Variants in ADK observed in about 807,000 individuals in gnomAD.
The protein encoded by ADK is N6,N6-dimethyladenosine kinase.
In ADK, 24 loss-of-function variants were observed where a neutral mutation model predicts 44.7. The ratio of observed to expected loss-of-function variants is 0.54; its 90% CI spans 0.39 to 0.76. ADK has a LOEUF of 0.76. Ranked by LOEUF, ADK falls within the 30% of genes least tolerant of loss-of-function variation. The pLI is 0.00. For missense variants in ADK, 321 were observed against 425.1 expected, an observed-to-expected ratio of 0.76 and a Z score of 2.15; for synonymous variants, 128 against 142.6, an observed-to-expected ratio of 0.90 and a Z score of 0.73.
At chr10:74,155,455 CTTAA>C (rs1432117562) in intron 1 of ADK, among the ~76,000 whole-genome samples, 1 of 152,046 alleles carries the variant, frequency 6.6e-6, no homozygotes, top group Non-Finnish European at 1.5e-5. Context: ...CAAGCCTGGC[CTTAA>C]TTAATGTTTG....
chr10:74,627,779 T>C (rs1426653735), intron 9 of ADK, among the ~76,000 whole-genome samples: 1 of 152,080 alleles, frequency 6.6e-6, no homozygotes, highest in Non-Finnish European at 1.5e-5. Context: ...ATTACAGGTA[T>C]ACATCACCTC....
chr10:74,555,126 G>A lies in ADK; in HGVS notation c.726+29700G>A, dbSNP rs141333540. On this transcript the variant is annotated intron_variant, in intron 7 of 10. Transcript: ENST00000539909. ...AGCCTGGGCAACATAGGGAGACCCC[G>A]TCTCTACAAAAAAAAGAAAATTAGC... 5.2e-3 allele frequency among the ~76,000 whole-genome samples: 797 copies of A among 151,940 alleles called. 7 individuals are homozygous for A. The highest frequency in any genetic ancestry group is 0.018 in the African/African-American group (760 of 41,310).
chr10:74,511,461 G>A (rs1487620296), intron 6 of ADK, among the ~76,000 whole-genome samples: 4 of 152,074 alleles, frequency 2.6e-5, no homozygotes, highest in African/African-American at 9.7e-5. Context: ...TTATTTGTAT[G>A]CACTTCAATT....
intron 4 of ADK, among the ~76,000 whole-genome samples, chr10:74,362,398 G>T (rs774561136): frequency 2.7e-5 from 4 of 149,462 alleles, no homozygotes; most frequent in African/African-American, 4.9e-5. Flanking sequence ...AGGATTTCTG[G>T]TTTTTTAAAA....
At chr10:74,625,485 T>C (rs1853158747) in intron 9 of ADK, among the ~76,000 whole-genome samples, 1 of 152,184 alleles carries the variant, frequency 6.6e-6, no homozygotes, top group East Asian at 1.9e-4. Context: ...TCCTTTGGAC[T>C]GAGAAACATT....
chr10:74,473,057 A>C (rs565243906), intron 6 of ADK, among the ~76,000 whole-genome samples: 1 of 152,102 alleles, frequency 6.6e-6, no homozygotes, highest in African/African-American at 2.4e-5. Flanking sequence ...TGATGTGATC[A>C]TGGCTCACCG....
intron 10 of ADK, among the ~76,000 whole-genome samples, chr10:74,679,648 G>C (rs1373612158): frequency 2.0e-5 from 3 of 151,724 alleles, no homozygotes; most frequent in African/African-American, 4.8e-5. Context: ...CTAATATCTG[G>C]CCCACTTCTT....
chr10:74,156,792 G>A (rs755340478), intron 1 of ADK, among the ~76,000 whole-genome samples: 48 of 152,104 alleles, frequency 3.2e-4, no homozygotes, highest in Non-Finnish European at 6.3e-4. Flanking sequence ...TTTCTCACCT[G>A]TAAAATGGGT....
At chr10:74,185,375 T>C (rs1380392681) in intron 1 of ADK, among the ~76,000 whole-genome samples, 3 of 151,838 alleles carry the variant, frequency 2.0e-5, no homozygotes, top group Non-Finnish European at 4.4e-5. Context: ...GCAGAAAAAA[T>C]AGATGATGCT....
intron 3 of ADK, among the ~76,000 whole-genome samples, chr10:74,307,835 T>C (rs1840308520): frequency 6.6e-6 from 1 of 152,060 alleles, no homozygotes; most frequent in African/African-American, 2.4e-5. Flanking sequence ...GTGGAGTGTA[T>C]AATTTGTGTT....
At chr10:74,447,547 A>G (rs569066623) in intron 6 of ADK, among the ~76,000 whole-genome samples, 2 of 152,310 alleles carry the variant, frequency 1.3e-5, no homozygotes, top group East Asian at 3.9e-4. Flanking sequence ...AATAATCCTT[A>G]TGCTGAAGTG....
chr10:74,614,585 T>A (rs965731938), intron 9 of ADK, among the ~76,000 whole-genome samples: 4 of 152,138 alleles, frequency 2.6e-5, no homozygotes, highest in Non-Finnish European at 5.9e-5. Context: ...ACCATTGTCT[T>A]AGCTTCTACT....
intron 6 of ADK, among the ~76,000 whole-genome samples, chr10:74,517,707 G>C (rs1431782792): frequency 2.0e-5 from 3 of 150,094 alleles, no homozygotes; most frequent in Non-Finnish European, 4.4e-5. Flanking sequence ...AAAAAAAAGA[G>C]TAAAAGATAT....
chr10:74,545,092 C>G (rs1301335831), intron 7 of ADK, among the ~76,000 whole-genome samples: 2 of 152,074 alleles, frequency 1.3e-5, no homozygotes, highest in Non-Finnish European at 2.9e-5. Context: ...CAGGGTCATA[C>G]AGATTCTACT....
chr10:74,363,078 G>T (rs1269719404), intron 4 of ADK, among the ~76,000 whole-genome samples: 2 of 152,216 alleles, frequency 1.3e-5, no homozygotes, highest in African/African-American at 2.4e-5. Flanking sequence ...GCTCAGATTA[G>T]CATGCATCAC....
At chr10:74,702,232 G>A (rs1258760655) in intron 10 of ADK, among the ~76,000 whole-genome samples, 2 of 150,310 alleles carry the variant, frequency 1.3e-5, no homozygotes, top group East Asian at 3.9e-4. Context: ...CGCCTCGGCT[G>A]GAGTGCAGTG....
intron 6 of ADK, among the ~76,000 whole-genome samples, chr10:74,433,184 CTCAT>C (rs1845059207): frequency 6.6e-6 from 1 of 152,158 alleles, no homozygotes; most frequent in South Asian, 2.1e-4. Context: ...ATGTCATAAT[CTCAT>C]TCATTAAGAA....
chr10:74,357,436 A>G (rs901448619), intron 4 of ADK, among the ~76,000 whole-genome samples: 3 of 149,270 alleles, frequency 2.0e-5, no homozygotes, highest in Non-Finnish European at 3.0e-5. Context: ...CTGGTACTGA[A>G]GGCACACCCC....
chr10:74,301,670 A>T (rs777015586), intron 3 of ADK, among the ~76,000 whole-genome samples: 1 of 152,074 alleles, frequency 6.6e-6, no homozygotes, highest in Non-Finnish European at 1.5e-5. Flanking sequence ...TTTTTGTTTT[A>T]TAAGTACCTA....
Sources: allele counts gnomAD v4.1 joint callset (sites outside exome capture counted in the v4.1 genomes callset), GRCh38; gene constraint gnomAD v4.1.1; transcripts MANE v1.5; gene names NCBI Gene and HGNC (gene_info 2026-07-23, HGNC 2026-07-21).